The following STK32C variants were observed in gnomAD, a reference collection of about 807,000 sequenced individuals.
STK32C encodes serine/threonine-protein kinase 32C.
STK32C carries 31 observed loss-of-function variants against 56.5 expected under a neutral mutation model. That is an observed-to-expected ratio of 0.55 (90% confidence interval 0.41 to 0.74). The LOEUF (loss-of-function observed/expected upper bound fraction) is 0.74, where lower values mean the gene tolerates loss of function less well. Among genes scored for constraint, STK32C ranks in the 30% least tolerant of loss-of-function variants. The pLI is 0.00. For synonymous variants in STK32C, 309 were observed against 289.4 expected (o/e 1.07, Z -0.69); for missense variants, 544 against 676.9 (o/e 0.80, Z 2.18).
At chr10:132,221,265 C>T (rs59887901) in intron 10 of STK32C, among the ~76,000 whole-genome samples, 1,691 of 151,142 alleles carry the variant, frequency 0.011, 45 homozygotes, top group African/African-American at 0.038. Flanking sequence ...GCCATCCCCA[C>T]ACACACAACT....
intron 1 of STK32C, chr10:132,306,999 A>G (rs1038968813): frequency 1.3e-5 from 2 of 152,284 alleles, no homozygotes; most frequent in Admixed American, 6.5e-5. Flanking sequence ...TGGCGGCTTT[A>G]TCTACAGGAC....
At chr10:132,277,982 C>T (rs987511805) in intron 1 of STK32C, among the ~76,000 whole-genome samples, 2 of 152,202 alleles carry the variant, frequency 1.3e-5, no homozygotes, top group African/African-American at 4.8e-5. Context: ...CAGAAGGCAG[C>T]AGTGGCAAAG....
intron 1 of STK32C, among the ~76,000 whole-genome samples, chr10:132,299,802 G>C (rs547158525): frequency 7.4e-4 from 113 of 152,368 alleles, no homozygotes; most frequent in Middle Eastern, 6.8e-3. Context: ...GACCCGGTTT[G>C]AGAAACGCGG....
chr10:132,311,394 T>C (rs1004592266), upstream of STK32C, among the ~76,000 whole-genome samples: 1 of 152,206 alleles, frequency 6.6e-6, no homozygotes, highest in African/African-American at 2.4e-5. This position sits in a 1 kb window ranked among gnomAD's most constrained non-coding sequence, Gnocchi z 4.4. Flanking sequence ...GCCTCCCTCC[T>C]GGGAAATGGA....
At chr10:132,303,078 G>T (rs971926618) in intron 1 of STK32C, among the ~76,000 whole-genome samples, 1 of 152,230 alleles carries the variant, frequency 6.6e-6, no homozygotes, top group Non-Finnish European at 1.5e-5. Context: ...GCAGCAGCCA[G>T]CGTGGAAACG....
At chr10:132,253,720 C>T (rs1024371996) in intron 1 of STK32C, among the ~76,000 whole-genome samples, 4 of 152,214 alleles carry the variant, frequency 2.6e-5, no homozygotes, top group African/African-American at 9.7e-5. Context: ...CTCCACAGCA[C>T]ATCTAAGGCC....
chr10:132,293,488 G>A (rs1352494367), intron 1 of STK32C, among the ~76,000 whole-genome samples: 1 of 152,218 alleles, frequency 6.6e-6, no homozygotes, highest in African/African-American at 2.4e-5. Context: ...CAGGGCAGGC[G>A]GCAGAATGAA....
chr10:132,264,997 A>T (rs1437632727), intron 1 of STK32C, among the ~76,000 whole-genome samples: 3 of 152,228 alleles, frequency 2.0e-5, no homozygotes, highest in African/African-American at 7.2e-5. Flanking sequence ...GATTCAGGAC[A>T]GCCACACATC....
chr10:132,224,210 A>G (rs2062790435), intron 8 of STK32C, among the ~76,000 whole-genome samples, 197 bp downstream of exon 8: 2 of 152,246 alleles, frequency 1.3e-5, no homozygotes, highest in South Asian at 2.1e-4. Flanking sequence ...TGAGAGGGCC[A>G]CAGAGCCTGC....
At chr10:132,270,553 G>A (rs1386791466) in intron 1 of STK32C, among the ~76,000 whole-genome samples, 5 of 152,230 alleles carry the variant, frequency 3.3e-5, no homozygotes, top group South Asian at 2.1e-4. Context: ...GGGTATGGCC[G>A]TGAGTTACGG....
chr10:132,265,198 AG>A (rs2064469772), intron 1 of STK32C, among the ~76,000 whole-genome samples: 1 of 127,630 alleles, frequency 7.8e-6, no homozygotes, highest in East Asian at 2.1e-4. Flanking sequence ...CCGCAAGGGC[AG>A]TGAGGTGGGC....
intron 2 of STK32C, among the ~76,000 whole-genome samples, chr10:132,231,372 G>A (rs1424737819): frequency 6.6e-6 from 1 of 152,234 alleles, no homozygotes; most frequent in Non-Finnish European, 1.5e-5. Context: ...AGGAGCAAGG[G>A]GAGGCAGGGT....
chr10:132,262,753 C>CAAAAA (rs34135037), intron 1 of STK32C, among the ~76,000 whole-genome samples: 6 of 73,390 alleles, frequency 8.2e-5, no homozygotes, highest in Admixed American at 1.9e-4. Flanking sequence ...GACTCCATCT[C>CAAAAA]AAAAAAAAAA....
At chr10:132,302,072 C>G (rs2065926303) in intron 1 of STK32C, among the ~76,000 whole-genome samples, 1 of 152,160 alleles carries the variant, frequency 6.6e-6, no homozygotes, top group Admixed American at 6.5e-5. Flanking sequence ...TCCTGGGTGA[C>G]TGGGGGTCCG....
At chr10:132,310,851 CT>C (rs2066205805), upstream of STK32C, among the ~76,000 whole-genome samples, 1 of 152,196 alleles carries the variant, frequency 6.6e-6, no homozygotes, top group South Asian at 2.1e-4. The surrounding 1 kb of genome is among the most constrained non-coding windows in gnomAD (Gnocchi z 4.6). Context: ...AGCAGGTGAC[CT>C]TGATGCTGAG....
intron 10 of STK32C, among the ~76,000 whole-genome samples, chr10:132,221,009 T>C (rs1312007908): frequency 2.0e-5 from 3 of 152,192 alleles, no homozygotes; most frequent in Non-Finnish European, 4.4e-5. Context: ...AAGGAGACCA[T>C]TTCATTACGA....
At chr10:132,308,044 AG>A (rs1564796978), upstream of STK32C, 1 of 718,698 alleles carries the variant, frequency 1.4e-6, no homozygotes, top group Non-Finnish European at 1.6e-6. Flanking sequence ...AGCTCCTGGA[AG>A]GGGTCGAGGC....
At chr10:132,283,365 C>T (rs2065275400) in intron 1 of STK32C, among the ~76,000 whole-genome samples, 1 of 152,236 alleles carries the variant, frequency 6.6e-6, no homozygotes, top group South Asian at 2.1e-4. Context: ...GCTGTGAAGG[C>T]GTTGGCAGAA....
At chr10:132,258,044 C>G (rs532277431) in intron 1 of STK32C, among the ~76,000 whole-genome samples, 22 of 152,356 alleles carry the variant, frequency 1.4e-4, no homozygotes, top group Non-Finnish European at 3.2e-4. Flanking sequence ...CTCACTGTCC[C>G]TGTCCTTGTC....
Sources: allele counts gnomAD v4.1 joint callset (sites outside exome capture counted in the v4.1 genomes callset), GRCh38; gene constraint gnomAD v4.1.1; non-coding constraint Gnocchi (gnomAD v3.1); transcripts MANE v1.5; gene names NCBI Gene and HGNC (gene_info 2026-07-23, HGNC 2026-07-21).